Variants in TXNDC17 observed in about 807,000 individuals in gnomAD.
The protein encoded by TXNDC17 is thioredoxin domain containing 17.
In TXNDC17, 12 loss-of-function variants were observed where a neutral mutation model predicts 16.3. That is an observed-to-expected ratio of 0.74 (90% CI 0.47 to 1.19). The LOEUF is 1.19. Among genes scored for constraint, TXNDC17 ranks in the 50% most tolerant of loss-of-function variants. The probability of loss-of-function intolerance (pLI) is 0.00; values close to 1 mark genes in which losing one functional copy is unlikely to be tolerated. For synonymous variants in TXNDC17, 62 were observed against 55.0 expected (o/e 1.13, Z -0.56); for missense variants, 158 against 149.7 (o/e 1.06, Z -0.29).
In TXNDC17 at chr17:6,641,847, G is replaced by C. The variant is rs1179325917; in HGVS notation, c.227+13G>C. The C allele has an allele frequency of 6.2e-7, 1 of 1,612,958 alleles. No individual in the cohort carries two copies. Among genetic ancestry groups the C allele is most frequent in the Admixed American group, 1.7e-5 (1 of 60,024 alleles). ...GAGAAAAGCCTTAGTAAGTGGCAAT[G>C]TATAATCTACCTCGCAGACGTGCAC... On this transcript the variant is annotated intron_variant, in intron 2 of 3. Coordinates refer to ENST00000250101, the MANE Select transcript of TXNDC17 (RefSeq NM_032731.4).
At position 6,642,288 on chromosome 17, in the gene TXNDC17, A is replaced by C. The variant is rs1323518595; in HGVS notation, c.267A>C (p.Lys89Asn). The change falls in exon 3 of 4, where the codon AAA (lysine) becomes AAC (asparagine). Residue 89 changes from lysine (K) to asparagine (N), a missense_variant. By Grantham distance (94) the Lys-to-Asn change is moderately conservative. Coordinates refer to ENST00000250101, the MANE Select transcript of TXNDC17 (RefSeq NM_032731.4). ...ATAATGACTTCAGAAAAAACTTGAA[A>C]GTAACAGCAGTGCCTACACTACTTA... ...DPNNDFRKNL[K>N]VTAVPTLLKY... 1 of 1,611,662 alleles carries C rather than the reference A, an allele frequency of 6.2e-7. No homozygotes were observed.
intron 3 of TXNDC17, 176 bp downstream of exon 3, chr17:6,642,500 G>A (rs1331728886): frequency 1.3e-5 from 7 of 526,882 alleles, no homozygotes; most frequent in Non-Finnish European, 2.4e-5. Flanking sequence ...TAAATATCTA[G>A]CTATTAGGTC....
At chr17:6,642,803 C>G (rs1875162797) in intron 3 of TXNDC17, 148 bp from the exon 4 acceptor site, 1 of 633,120 alleles carries the variant, frequency 1.6e-6, no homozygotes, top group Admixed American at 2.8e-5. Context: ...TATATTGATT[C>G]TTTCATAAAA....
At chr17:6,641,655 G>A in intron 1 of TXNDC17, 98 bp from the exon 2 acceptor site, 1 of 1,187,028 alleles carries the variant, frequency 8.4e-7, no homozygotes, top group Non-Finnish European at 1.2e-6. Flanking sequence ...TAAAGTCTGA[G>A]TGCTTACCAA....
intron 3 of TXNDC17, chr17:6,642,703 G>A (rs1443240775): frequency 9.7e-6 from 5 of 514,014 alleles, no homozygotes; most frequent in Non-Finnish European, 1.4e-5. Context: ...CACTGGGCTT[G>A]CTGTCTCCTG....
At position 6,643,889 on chromosome 17, in the gene TXNDC17, C is replaced by T; in HGVS notation, c.*870C>T. Reference sequence around the variant, plus strand: ...CTAACCACTAGTTGTCCTGCCATGACTAGGTCAAGTGAGGCCACAGTGATT... The same window carrying T: ...CTAACCACTAGTTGTCCTGCCATGATTAGGTCAAGTGAGGCCACAGTGATT... On this transcript the variant is annotated 3_prime_UTR_variant, in exon 4 of 4. Coordinates refer to ENST00000250101, the MANE Select transcript of TXNDC17 (RefSeq NM_032731.4). The T allele has an allele frequency of 2.6e-6, 1 of 383,200 alleles. No individual in the cohort carries two copies. The highest frequency in any genetic ancestry group is 4.6e-6 in the Non-Finnish European group (1 of 216,590). The allele number at this position is 383,200 out of a possible 1,614,324, so 23.7% of individuals were successfully genotyped here. A position where few individuals can be genotyped will look rare whatever the true frequency, so the allele number is the denominator to read the frequency against.
At position 6,642,295 on chromosome 17, in the gene TXNDC17, G is replaced by T. The variant is rs1025513279; in HGVS notation, c.274G>T (p.Ala92Ser). The T allele has an allele frequency of 1.2e-6, 2 of 1,611,252 alleles. No homozygotes were observed. Among genetic ancestry groups the T allele is most frequent in the African/African-American group, 2.7e-5 (2 of 74,824 alleles). The part of the protein sequence containing the change: ...NDFRKNLKVT[A>S]VPTLLKYGTP... ...CTTCAGAAAAAACTTGAAAGTAACA[G>T]CAGTGCCTACACTACTTAAGTATGG... Residue 92 changes from alanine to serine, a missense_variant, in exon 3 of 4, where the codon GCA becomes TCA. Transcript: ENST00000250101.
chr17:6,644,475 C>T lies in TXNDC17; in HGVS notation c.*1456C>T, dbSNP rs748081672. On this transcript the variant is annotated 3_prime_UTR_variant, in exon 4 of 4. Transcript: ENST00000250101. The stretch of plus-strand genomic sequence containing the variant: ...CGTTTGTATCCAGTTTTTCATTTTC[C>T]CGATGTGTTATTTTGCTGTTGCTGC... The T allele has an allele frequency of 2.5e-6, 4 of 1,593,930 alleles. No individual in the cohort carries two copies. The highest frequency in any genetic ancestry group is 1.1e-5 in the South Asian group (1 of 87,804).
intron 2 of TXNDC17, 55 bp from the exon 3 acceptor site, chr17:6,642,194 A>C (rs2051056959): frequency 1.6e-6 from 2 of 1,264,990 alleles, no homozygotes; most frequent in East Asian, 2.3e-5. Context: ...AATATTAAGC[A>C]AACTGTAATA....
Position 6,642,936 on chromosome 17 carries a change from GTTT to G in TXNDC17, c.304-12_304-10del. The G allele has an allele frequency of 6.2e-7, 1 of 1,603,910 alleles. No individual in the cohort carries two copies. The highest frequency in any genetic ancestry group is 8.5e-7 in the Non-Finnish European group (1 of 1,171,054). ...TTATAGAAGTAGTGAAGATTTGACT[GTTT>G]TTCTCTTACAGCCTCAAAAACTGGT... is the stretch of plus-strand genomic sequence containing the variant. On this transcript the variant is annotated splice_polypyrimidine_tract_variant and intron_variant, in intron 3 of 3. Transcript: ENST00000250101.
At position 6,643,136 on chromosome 17, in the gene TXNDC17, T is replaced by C; in HGVS notation, c.*117T>C. ...GATGTTAAAAAAACTGGCATGTGTC[T>C]AAACAATAGAGTGCTATTAAAATGC... On this transcript the variant is annotated 3_prime_UTR_variant, in exon 4 of 4. Transcript: ENST00000250101. The C allele has an allele frequency of 2.3e-6, 2 of 858,920 alleles. No individual in the cohort carries two copies. Among genetic ancestry groups the C allele is most frequent in the Non-Finnish European group, 3.8e-6 (2 of 531,968 alleles). 53.2% of individuals were successfully genotyped at this position (858,920 alleles called of 1,614,324 possible).
chr17:6,644,509 G>C lies in TXNDC17; in HGVS notation c.*1490G>C, dbSNP rs771592953. The C allele has an allele frequency of 1.9e-6, 3 of 1,609,718 alleles. No homozygotes were observed. The highest frequency in any genetic ancestry group is 2.2e-5 in the South Asian group (2 of 89,746). ...TATTTTGCTGTTGCTGCTCTGCCAA[G>C]GCTTGCTGAAGGCGCATCCGCTTCC... On this transcript the variant is annotated 3_prime_UTR_variant, in exon 4 of 4. Transcript: ENST00000250101.
intron 2 of TXNDC17, 166 bp from the exon 3 acceptor site, chr17:6,642,083 C>A: frequency 1.5e-6 from 1 of 664,932 alleles, no homozygotes; most frequent in Non-Finnish European, 2.6e-6. Flanking sequence ...CACTTTGAAA[C>A]TTTGCACAGG....
rs1597630671 is a variant in TXNDC17, at chr17:6,643,316, CA to C, written c.*301del. On this transcript the variant is annotated 3_prime_UTR_variant, in exon 4 of 4. Transcript: ENST00000250101. Reference sequence around the variant, plus strand: ...TGCAGAGCACACCTTCCAAATCTCTCAAAAGATCAGTATCTTTTATTTTAAG... The same window carrying C: ...TGCAGAGCACACCTTCCAAATCTCTCAAAGATCAGTATCTTTTATTTTAAG... 4.0e-6 allele frequency: 1 copy of C among 250,040 alleles called. No individual in the cohort carries two copies. The highest frequency in any genetic ancestry group is 8.5e-5 in the East Asian group (1 of 11,774). 15.5% of individuals were successfully genotyped at this position (250,040 alleles called of 1,614,324 possible).
chr17:6,641,061 G>C lies in TXNDC17; in HGVS notation c.-22G>C. Reference sequence around the variant, plus strand: ...CGGCGACCGGACGTGCACTCCTCCAGTAGCGGCTGCACGTCGTGCCAATGG... The same window carrying C: ...CGGCGACCGGACGTGCACTCCTCCACTAGCGGCTGCACGTCGTGCCAATGG... On this transcript the variant is annotated 5_prime_UTR_variant, in exon 1 of 4. Coordinates refer to ENST00000250101, the MANE Select transcript of TXNDC17 (RefSeq NM_032731.4). 1 of 1,608,532 alleles carries C rather than the reference G, an allele frequency of 6.2e-7. No individual in the cohort carries two copies. Among genetic ancestry groups the C allele is most frequent in the Non-Finnish European group, 8.5e-7 (1 of 1,178,232 alleles).
In TXNDC17 at chr17:6,643,874, G is replaced by C. The variant is rs2150947076; in HGVS notation, c.*855G>C. On this transcript the variant is annotated 3_prime_UTR_variant, in exon 4 of 4. Coordinates refer to ENST00000250101, the MANE Select transcript of TXNDC17 (RefSeq NM_032731.4). ...GAGTCCAGTTAGTAACTAACCACTAGTTGTCCTGCCATGACTAGGTCAAGT... is the reference window on the plus strand; with the variant it reads ...GAGTCCAGTTAGTAACTAACCACTACTTGTCCTGCCATGACTAGGTCAAGT... 1 of 376,246 alleles carries C rather than the reference G, an allele frequency of 2.7e-6. No individual in the cohort carries two copies. The highest frequency in any genetic ancestry group is 1.5e-4 in the South Asian group (1 of 6,834). 23.3% of individuals were successfully genotyped at this position (376,246 alleles called of 1,614,324 possible).
chr17:6,642,283 T>A lies in TXNDC17; in HGVS notation c.262T>A (p.Leu88Met). ...TCCAAATAATGACTTCAGAAAAAAC[T>A]TGAAAGTAACAGCAGTGCCTACACT... The part of the protein sequence containing the change: ...KDPNNDFRKN[L>M]KVTAVPTLLK... Residue 88 changes from leucine (L) to methionine (M), a missense_variant, in exon 3 of 4, where the codon TTG (leucine) becomes ATG (methionine). Coordinates refer to ENST00000250101, the MANE Select transcript of TXNDC17 (RefSeq NM_032731.4). 6.2e-7 allele frequency: 1 copy of A among 1,611,708 alleles called. No homozygotes were observed. Among genetic ancestry groups the A allele is most frequent in the Non-Finnish European group, 8.5e-7 (1 of 1,179,010 alleles).
At position 6,644,244 on chromosome 17, in the gene TXNDC17, A is replaced by T. The variant is rs1972735175; in HGVS notation, c.*1225A>T. On this transcript the variant is annotated 3_prime_UTR_variant, in exon 4 of 4. Transcript: ENST00000250101. ...ATCAGCTGATTATGCTAAATGCGTA[A>T]AAAAGAAAAACACCTTACAAATCCA... The T allele has an allele frequency of 3.6e-6, 2 of 562,314 alleles. No individual in the cohort carries two copies. The highest frequency in any genetic ancestry group is 5.7e-6 in the Non-Finnish European group (2 of 349,728). 34.8% of individuals were successfully genotyped at this position (562,314 alleles called of 1,614,324 possible). A position where few individuals can be genotyped will look rare whatever the true frequency, so the allele number is the denominator to read the frequency against.
chr17:6,642,373 T>C (rs749330246), intron 3 of TXNDC17, 49 bp downstream of exon 3: 6 of 1,269,718 alleles, frequency 4.7e-6, no homozygotes, highest in African/African-American at 3.0e-5. Context: ...TCAGAACTCT[T>C]TTAACTTGCT....
Sources: allele counts gnomAD v4.1 joint callset, GRCh38; gene constraint gnomAD v4.1.1; transcripts MANE v1.5; gene names NCBI Gene and HGNC (gene_info 2026-07-23, HGNC 2026-07-21).